Variants in MAGI2 observed in about 807,000 individuals in gnomAD.
The protein encoded by MAGI2 is membrane associated guanylate kinase, WW and PDZ domain containing 2.
Under a neutral mutation model 133.3 loss-of-function variants are expected in MAGI2, and 35 were observed. The observed-to-expected ratio is 0.26, with a 90% confidence interval of 0.20 to 0.35. The LOEUF (loss-of-function observed/expected upper bound fraction) is 0.35, where lower values mean the gene tolerates loss of function less well. MAGI2 is among the 10% of genes least tolerant of loss of function. The pLI is 1.00. For synonymous variants in MAGI2, 729 were observed against 710.6 expected (o/e 1.03, Z -0.41); for missense variants, 1,636 against 1,863.4 (o/e 0.88, Z 2.25).
chr7:78,539,267 T>G (rs894542474), intron 3 of MAGI2, among the ~76,000 whole-genome samples: 3 of 146,588 alleles, frequency 2.0e-5, no homozygotes, highest in African/African-American at 2.7e-5. Context: ...TCTATTGAGA[T>G]GATTTTTGTC....
At position 78,369,104 on chromosome 7, in the gene MAGI2, CAT is replaced by C. The variant is rs1466388776; in HGVS notation, c.1103+50_1103+51del. ...ACATGCTCAATAAATAAAATACTAA[CAT>C]AATTTCACAACATATTAATAACAAG... is the stretch of plus-strand genomic sequence containing the variant. On this transcript the variant is annotated intron_variant, in intron 7 of 21. Coordinates refer to ENST00000354212, the MANE Select transcript of MAGI2 (RefSeq NM_012301.4). 2.3e-6 allele frequency: 3 copies of C among 1,293,698 alleles called. No homozygotes were observed. The Admixed American group carries it at 6.1e-5, about 26-fold the overall frequency. The allele number at this position is 1,293,698 out of a possible 1,614,324, so 80.1% of individuals were successfully genotyped here.
chr7:78,882,115 A>G (rs952149669), intron 2 of MAGI2, among the ~76,000 whole-genome samples: 2 of 93,732 alleles, frequency 2.1e-5, no homozygotes, highest in African/African-American at 3.2e-5. Flanking sequence ...AAAAGAAAAG[A>G]AAAACAAAAA....
chr7:79,140,381 A>G (rs1464927784), intron 1 of MAGI2, among the ~76,000 whole-genome samples: 2 of 152,206 alleles, frequency 1.3e-5, no homozygotes, highest in African/African-American at 2.4e-5. Context: ...AAGCTCCTCA[A>G]AAGAATATGA....
intron 1 of MAGI2, among the ~76,000 whole-genome samples, chr7:79,356,479 A>T (rs1346448442): frequency 1.3e-5 from 2 of 152,206 alleles, no homozygotes; most frequent in African/African-American, 2.4e-5. Flanking sequence ...TGAAAAGCAA[A>T]AAAAGTTTCC....
intron 1 of MAGI2, among the ~76,000 whole-genome samples, chr7:79,196,370 T>A (rs1209201097): frequency 2.0e-5 from 3 of 152,034 alleles, no homozygotes; most frequent in African/African-American, 7.3e-5. Context: ...AATGGCACCT[T>A]GCCCCTCTCT....
chr7:78,028,216 A>G (rs1267660114), intron 21 of MAGI2, among the ~76,000 whole-genome samples: 1 of 152,228 alleles, frequency 6.6e-6, no homozygotes, highest in African/African-American at 2.4e-5. Context: ...ATTGTTTCCA[A>G]GTATGGAGCC....
chr7:78,891,061 A>G (rs1323677219), intron 2 of MAGI2, among the ~76,000 whole-genome samples: 1 of 152,212 alleles, frequency 6.6e-6, no homozygotes, highest in Non-Finnish European at 1.5e-5. Context: ...CACCGATCCC[A>G]CAGAAATACA....
At chr7:79,095,420 T>C (rs930498775) in intron 1 of MAGI2, among the ~76,000 whole-genome samples, 2 of 152,236 alleles carry the variant, frequency 1.3e-5, no homozygotes, top group Non-Finnish European at 2.9e-5. Context: ...TGGCTAACTG[T>C]TTGATGCAAG....
chr7:79,394,999 A>C (rs1844934992), intron 1 of MAGI2, among the ~76,000 whole-genome samples: 1 of 152,228 alleles, frequency 6.6e-6, no homozygotes, highest in Non-Finnish European at 1.5e-5. Flanking sequence ...AGAAATATGA[A>C]ATTCTGAGAA....
At chr7:79,377,713 C>T (rs1320052110) in intron 1 of MAGI2, among the ~76,000 whole-genome samples, 2 of 151,760 alleles carry the variant, frequency 1.3e-5, no homozygotes, top group African/African-American at 4.8e-5. Flanking sequence ...AGCAGAGAGG[C>T]ATCACTGGAG....
chr7:78,655,260 T>A (rs1258364221), intron 2 of MAGI2, among the ~76,000 whole-genome samples: 4 of 151,822 alleles, frequency 2.6e-5, no homozygotes, highest in Non-Finnish European at 4.4e-5. Flanking sequence ...CTTTCAGTTA[T>A]CAAGGCCCTG....
intron 1 of MAGI2, among the ~76,000 whole-genome samples, chr7:79,390,942 GC>G (rs1844554071): frequency 1.3e-5 from 2 of 152,122 alleles, no homozygotes; most frequent in African/African-American, 4.8e-5. Context: ...GAGGCTCATG[GC>G]CCAGAATAAA....
In MAGI2 at chr7:78,019,244, A is replaced by T; in HGVS notation, c.*71T>A. 2 of 1,538,432 alleles carry T rather than the reference A, an allele frequency of 1.3e-6. No homozygotes were observed. The highest frequency in any genetic ancestry group is 1.8e-6 in the Non-Finnish European group (2 of 1,141,702). ...TGCGTGTGACAGTGAAAATAAATTAAAACGCCGTGAGACGGAACCTAAGAA... is the reference window on the plus strand; with the variant it reads ...TGCGTGTGACAGTGAAAATAAATTATAACGCCGTGAGACGGAACCTAAGAA... On this transcript the variant is annotated 3_prime_UTR_variant, in exon 22 of 22. Coordinates refer to ENST00000354212, the MANE Select transcript of MAGI2 (RefSeq NM_012301.4).
chr7:78,528,420 C>T (rs1177028774), intron 3 of MAGI2, among the ~76,000 whole-genome samples: 1 of 152,090 alleles, frequency 6.6e-6, no homozygotes. Context: ...AACTTTAAGA[C>T]ATGTTTAACA....
chr7:78,307,415 T>C (rs527263485), intron 9 of MAGI2, among the ~76,000 whole-genome samples: 67 of 152,310 alleles, frequency 4.4e-4, no homozygotes, highest in African/African-American at 1.5e-3. Flanking sequence ...CAGGTAGTGA[T>C]AGTGTGGCTT....
chr7:79,300,070 T>A (rs1837278431), intron 1 of MAGI2, among the ~76,000 whole-genome samples: 1 of 151,778 alleles, frequency 6.6e-6, no homozygotes, highest in African/African-American at 2.4e-5. Context: ...GTGTCAGGTA[T>A]TTTTTTTAGA....
intron 4 of MAGI2, among the ~76,000 whole-genome samples, chr7:78,517,068 G>A (rs1434624438): frequency 6.6e-6 from 1 of 152,168 alleles, no homozygotes; most frequent in African/African-American, 2.4e-5. Context: ...AAACACAGGA[G>A]AGCAGTGAAG....
rs879116526 is a variant in MAGI2, at chr7:78,185,737, T to C, written c.2270-67A>G. On this transcript the variant is annotated intron_variant, in intron 12 of 21. Coordinates refer to ENST00000354212, the MANE Select transcript of MAGI2 (RefSeq NM_012301.4). The stretch of plus-strand genomic sequence containing the variant: ...GGCATTTTAAAATTCATCTTTACTT[T>C]CTTTTTGTTGCTATCATAACTCCCC... 5.4e-5 allele frequency: 69 copies of C among 1,281,836 alleles called. 2 individuals carry two copies. The South Asian group carries it at 8.6e-4, about 16-fold the overall frequency. The allele number at this position is 1,281,836 out of a possible 1,614,324, so 79.4% of individuals were successfully genotyped here.
At chr7:78,439,524 C>A (rs894347854) in intron 6 of MAGI2, among the ~76,000 whole-genome samples, 2 of 152,018 alleles carry the variant, frequency 1.3e-5, no homozygotes, top group East Asian at 1.9e-4. Flanking sequence ...GATGTGGGAC[C>A]TTTGAGGAGG....
Sources: allele counts gnomAD v4.1 joint callset (sites outside exome capture counted in the v4.1 genomes callset), GRCh38; gene constraint gnomAD v4.1.1; transcripts MANE v1.5; gene names NCBI Gene and HGNC (gene_info 2026-07-23, HGNC 2026-07-21).